Variants in ITGBL1 observed in about 807,000 individuals in gnomAD.
ITGBL1 encodes the protein integrin beta-like protein 1.
In ITGBL1, 51 loss-of-function variants were observed where a neutral mutation model predicts 68.5. That is an observed-to-expected ratio of 0.74 (90% confidence interval 0.59 to 0.94). ITGBL1 has a LOEUF of 0.94. ITGBL1 is among the 40% of genes least tolerant of loss of function. The pLI is 0.00. For missense variants in ITGBL1, 649 were observed against 647.4 expected (o/e 1.00, Z -0.03); for synonymous variants, 209 against 227.3 (o/e 0.92, Z 0.72).
At chr13:101,703,594 T>C (rs1431234585) in intron 8 of ITGBL1, among the ~76,000 whole-genome samples, 6 of 152,192 alleles carry the variant, frequency 3.9e-5, no homozygotes, top group Admixed American at 3.9e-4. Context: ...AGGAAGTTTT[T>C]TCCAACGTTG....
chr13:101,594,527 A>ATT (rs142790368), intron 6 of ITGBL1, among the ~76,000 whole-genome samples: 2 of 151,508 alleles, frequency 1.3e-5, no homozygotes, highest in East Asian at 1.9e-4. Context: ...CTTAGCAATG[A>ATT]TTTTTTTTTG....
intron 2 of ITGBL1, among the ~76,000 whole-genome samples, chr13:101,509,231 C>T (rs914364723): frequency 1.9e-4 from 29 of 152,060 alleles, no homozygotes; most frequent in Admixed American, 9.2e-4. Flanking sequence ...TTTAAACCAT[C>T]AGATCTCATG....
chr13:101,625,233 T>C (rs576717348), intron 7 of ITGBL1, among the ~76,000 whole-genome samples: 44 of 152,300 alleles, frequency 2.9e-4, no homozygotes, highest in African/African-American at 9.9e-4. Flanking sequence ...TGTGTACAGA[T>C]TGACTTAGTA....
At chr13:101,687,375 T>C (rs1037777824) in intron 7 of ITGBL1, among the ~76,000 whole-genome samples, 1 of 152,058 alleles carries the variant, frequency 6.6e-6, no homozygotes, top group Admixed American at 6.5e-5. Context: ...TTTATCTGAA[T>C]CTTATATCTT....
intron 2 of ITGBL1, among the ~76,000 whole-genome samples, chr13:101,489,688 A>G (rs994813100): frequency 1.2e-4 from 18 of 152,224 alleles, no homozygotes; most frequent in African/African-American, 4.3e-4. Flanking sequence ...GGTAAGATCC[A>G]TTCTGAAAGA....
intron 7 of ITGBL1, among the ~76,000 whole-genome samples, chr13:101,637,341 ATTTT>A (rs58584687): frequency 4.0e-5 from 5 of 125,880 alleles, no homozygotes; most frequent in Non-Finnish European, 6.6e-5. Flanking sequence ...TTGGAACAGT[ATTTT>A]TTTTTTTTTT....
intron 6 of ITGBL1, among the ~76,000 whole-genome samples, chr13:101,593,050 G>T (rs967926135): frequency 3.3e-5 from 5 of 151,878 alleles, no homozygotes; most frequent in Admixed American, 6.6e-5. Context: ...AATACATAGG[G>T]AACTTAACAG....
At chr13:101,602,383 T>C (rs2030437700) in intron 7 of ITGBL1, among the ~76,000 whole-genome samples, 1 of 152,006 alleles carries the variant, frequency 6.6e-6, no homozygotes, top group Admixed American at 6.6e-5. Flanking sequence ...TTCCTCTTGA[T>C]TTATCAAAAT....
chr13:101,520,315 T>C (rs2049264413), intron 2 of ITGBL1, among the ~76,000 whole-genome samples: 1 of 152,216 alleles, frequency 6.6e-6, no homozygotes, highest in African/African-American at 2.4e-5. Context: ...GATGAAATTA[T>C]TTTTTGCATC....
At position 101,598,078 on chromosome 13, in the gene ITGBL1, C is replaced by G. The variant is rs1332624171; in HGVS notation, c.869-75C>G. On this transcript the variant is annotated intron_variant, in intron 6 of 10. Coordinates refer to ENST00000376180, the MANE Select transcript of ITGBL1 (RefSeq NM_004791.3). ...GATCCTGACTCATTTGTGACATTTG[C>G]TGTTAGAATGAAAACTAATTCCAAC... 2.4e-5 allele frequency: 31 copies of G among 1,313,268 alleles called. No individual in the cohort carries two copies. The South Asian group carries it at 4.6e-4, about 20-fold the overall frequency. The allele number at this position is 1,313,268 out of a possible 1,614,324, so 81.4% of individuals were successfully genotyped here. A position where few individuals can be genotyped will look rare whatever the true frequency, so the allele number is the denominator to read the frequency against.
At chr13:101,710,232 G>A (rs951130312) in intron 9 of ITGBL1, among the ~76,000 whole-genome samples, 4 of 152,216 alleles carry the variant, frequency 2.6e-5, no homozygotes, top group African/African-American at 7.2e-5. Context: ...GCTGCCTCAA[G>A]GCTGCACATT....
In ITGBL1 at chr13:101,681,848, G is replaced by A. The variant is rs74759488; in HGVS notation, c.1016-10737G>A. 1.3e-3 allele frequency among the ~76,000 whole-genome samples: 202 copies of A among 152,130 alleles called. 2 individuals carry two copies. Among genetic ancestry groups the A allele is most frequent in the African/African-American group, 4.5e-3 (188 of 41,534 alleles). On this transcript the variant is annotated intron_variant, in intron 7 of 10. Transcript: ENST00000376180. ...TGTGTGTATATGTGTGTGTGTGTTG[G>A]GAGAGAATAGTCAGAGGGGAAAGGG...
intron 10 of ITGBL1, 40 bp downstream of exon 10, chr13:101,714,591 T>G: frequency 2.5e-6 from 3 of 1,189,510 alleles, no homozygotes; most frequent in Non-Finnish European, 3.8e-6. Flanking sequence ...ATGCCACAGT[T>G]TGTTATAGAG....
intron 8 of ITGBL1, among the ~76,000 whole-genome samples, chr13:101,701,034 T>C (rs1489645678): frequency 6.6e-6 from 1 of 152,228 alleles, no homozygotes; most frequent in Non-Finnish European, 1.5e-5. Context: ...AAGCTGTTAA[T>C]ACAATTCCTG....
At chr13:101,535,467 C>T (rs1308193510) in intron 2 of ITGBL1, among the ~76,000 whole-genome samples, 2 of 152,062 alleles carry the variant, frequency 1.3e-5, no homozygotes, top group African/African-American at 2.4e-5. Flanking sequence ...TTTAAACTTT[C>T]AACCTCTCTC....
chr13:101,553,834 G>A (rs2049960709), intron 2 of ITGBL1, among the ~76,000 whole-genome samples: 1 of 152,072 alleles, frequency 6.6e-6, no homozygotes, highest in Admixed American at 6.6e-5. Flanking sequence ...AAGTCCAATG[G>A]CACGATCTCG....
chr13:101,720,564 G>GTGTGTA (rs1233100229), downstream of ITGBL1: 1 of 138,736 alleles, frequency 7.2e-6, no homozygotes, highest in African/African-American at 2.6e-5. Flanking sequence ...GTGTGTGTGT[G>GTGTGTA]TATATGTGTG....
intron 8 of ITGBL1, among the ~76,000 whole-genome samples, chr13:101,701,086 G>C (rs2034126047): frequency 6.6e-6 from 1 of 152,146 alleles, no homozygotes; most frequent in Admixed American, 6.5e-5. Flanking sequence ...TAAATTATTA[G>C]AGTTTATTAA....
chr13:101,453,613 A>C (rs1321004980), intron 1 of ITGBL1, among the ~76,000 whole-genome samples: 1 of 152,228 alleles, frequency 6.6e-6, no homozygotes, highest in Non-Finnish European at 1.5e-5. Context: ...ACCTCTGTCC[A>C]CCTGGAGGAA....
Sources: allele counts gnomAD v4.1 joint callset (sites outside exome capture counted in the v4.1 genomes callset), GRCh38; gene constraint gnomAD v4.1.1; transcripts MANE v1.5; gene names NCBI Gene and HGNC (gene_info 2026-07-23, HGNC 2026-07-21).